The following PDZD2 variants were observed in gnomAD, a reference collection of about 807,000 sequenced individuals.
PDZD2 encodes the protein PDZ domain-containing protein 2.
In PDZD2, 90 loss-of-function variants were observed where a neutral mutation model predicts 220.7. That is an observed-to-expected ratio of 0.41 (90% CI 0.34 to 0.49). The LOEUF is 0.49. PDZD2 is among the 20% of genes least tolerant of loss of function. The probability of loss-of-function intolerance (pLI) is 0.28; values close to 1 mark genes in which losing one functional copy is unlikely to be tolerated. For missense variants in PDZD2, 3,174 were observed against 3,608.5 expected (o/e 0.88, Z 3.08); for synonymous variants, 1,375 against 1,450.5 (o/e 0.95, Z 1.18).
chr5:32,087,222 A>G lies in PDZD2; in HGVS notation c.3774A>G (p.Gln1258=). The G allele has an allele frequency of 2.5e-6, 4 of 1,614,066 alleles. No individual in the cohort carries two copies. The highest frequency in any genetic ancestry group is 3.4e-6 in the Non-Finnish European group (4 of 1,179,938). The change falls in exon 20 of 25, where the codon CAA becomes CAG. Residue 1258 remains glutamine, a synonymous_variant. Coordinates refer to ENST00000438447, the MANE Select transcript of PDZD2 (RefSeq NM_178140.4). The surrounding 1 kb of genome is among the most constrained non-coding windows in gnomAD (Gnocchi z 4.0). The part of the protein sequence containing the change: ...DPSKTSVDTG[Q]VSRPENPSQP... ...GCAAGACCTCTGTAGACACAGGGCA[A>G]GTCAGTCGGCCAGAGAATCCCAGCC...
In PDZD2 at chr5:31,966,957, C is replaced by T. The variant is rs937403712; in HGVS notation, c.477-16198C>T. Among the ~76,000 whole-genome samples the T allele has an allele frequency of 3.9e-5, 6 of 152,162 alleles. No homozygotes were observed. The East Asian group carries it at 5.8e-4, about 15-fold the overall frequency. On this transcript the variant is annotated intron_variant, in intron 2 of 24. Transcript: ENST00000438447. ...AGAGAAGAGATTCAGGAGAACAGTG[C>T]GTGACCTTAGCCAGAACATGTTGAT... is the stretch of plus-strand genomic sequence containing the variant.
intron 1 of PDZD2, chr5:31,744,168 C>A (rs1750442248): frequency 6.6e-6 from 1 of 152,166 alleles, no homozygotes; most frequent in Non-Finnish European, 1.5e-5. Context: ...ACCATGAAGT[C>A]TGGTCCTTTT....
intron 2 of PDZD2, among the ~76,000 whole-genome samples, chr5:31,927,768 T>A (rs2150387728): frequency 6.6e-6 from 1 of 152,328 alleles, no homozygotes; most frequent in South Asian, 2.1e-4. Context: ...TGCTTATCTT[T>A]TTCAATGGAC....
Position 32,098,391 on chromosome 5 carries a change from G to C in PDZD2, c.7975G>C (p.Ala2659Pro). 1 of 1,614,090 alleles carries C rather than the reference G, an allele frequency of 6.2e-7. No homozygotes were observed. The highest frequency in any genetic ancestry group is 1.1e-5 in the South Asian group (1 of 91,076). The change falls in exon 23 of 25, where the codon GCT (alanine) becomes CCT (proline). Residue 2659 changes from alanine (A) to proline (P), a missense_variant. This residue lies in a region of PDZD2 where 631 missense variants were observed against 789.9 expected (regional missense o/e 0.80). Coordinates refer to ENST00000438447, the MANE Select transcript of PDZD2 (RefSeq NM_178140.4). The surrounding 1 kb of genome is among the most constrained non-coding windows in gnomAD (Gnocchi z 4.1). Reference sequence around the variant, plus strand: ...CCACAGGGTGTTTTCTCAGGGGGCGGCTTCTCAGGAAGGGACTATGAACCG... The same window carrying C: ...CCACAGGGTGTTTTCTCAGGGGGCGCCTTCTCAGGAAGGGACTATGAACCG... The part of the protein sequence containing the change: ...TVHRVFSQGA[A>P]SQEGTMNRGD...
intron 1 of PDZD2, among the ~76,000 whole-genome samples, chr5:31,755,820 A>G (rs998254583): frequency 2.0e-4 from 30 of 152,128 alleles, no homozygotes; most frequent in African/African-American, 7.2e-4. Flanking sequence ...TGGCTGGGCT[A>G]TGTCATGAGT....
chr5:32,087,883 C>T lies in PDZD2; in HGVS notation c.4435C>T (p.Gln1479Ter). The T allele has an allele frequency of 6.2e-7, 1 of 1,612,746 alleles. No homozygotes were observed. The highest frequency in any genetic ancestry group is 8.5e-7 in the Non-Finnish European group (1 of 1,179,544). The change falls in exon 20 of 25, where the codon CAG becomes TAG. Residue 1479 changes from glutamine (Q) to a stop codon, truncating the protein, a stop_gained. Transcript: ENST00000438447. LOFTEE classifies it high-confidence loss of function. This position sits in a 1 kb window ranked among gnomAD's most constrained non-coding sequence, Gnocchi z 4.0. ...SCRAEPVPGG[Q>*]TSSPRRAWAA... ...CCGTGCCGAACCAGTCCCGGGGGGC[C>T]AGACCTCCTCCCCGAGGAGGGCCTG...
Position 31,799,168 on chromosome 5 carries a change from C to T in PDZD2, c.-81C>T. On this transcript the variant is annotated 5_prime_UTR_variant, in exon 2 of 25. Coordinates refer to ENST00000438447, the MANE Select transcript of PDZD2 (RefSeq NM_178140.4). ...AGGCAAAGCTGATGATGGCCAGGGA[C>T]CCCAGGGGACGTGGGGCCCTGTGGG... 1.1e-6 allele frequency: 1 copy of T among 892,052 alleles called. No homozygotes were observed. Among genetic ancestry groups the T allele is most frequent in the Admixed American group, 2.6e-5 (1 of 38,372 alleles). 55.3% of individuals were successfully genotyped at this position (892,052 alleles called of 1,614,324 possible).
intron 2 of PDZD2, among the ~76,000 whole-genome samples, chr5:31,858,711 C>CCCTCCCTTCCTCCCTT (rs1181665890): frequency 6.8e-6 from 1 of 147,118 alleles, no homozygotes; most frequent in Admixed American, 6.7e-5. Context: ...ATCCCTCCCT[C>CCCTCCCTTCCTCCCTT]CCTCCCTTCC....
chr5:31,727,478 G>A (rs913387419), intron 1 of PDZD2, among the ~76,000 whole-genome samples: 4 of 152,058 alleles, frequency 2.6e-5, no homozygotes, highest in Middle Eastern at 3.4e-3. Flanking sequence ...AGGCCGAGGC[G>A]GGCGCATCAC....
In PDZD2 at chr5:31,975,793, C is replaced by CTTTTTTTTTTTTTTTTTTTTTTTTT. The variant is rs879288343; in HGVS notation, c.477-7353_477-7352insTTTTTTTTTTTTTTTTTTTTTTTTT. On this transcript the variant is annotated intron_variant, in intron 2 of 24. Transcript: ENST00000438447. ...ATGAGCACACTGAAGGTATCAGTCACTTTTTTTTTATTTATTTTTTTTTTT... is the reference window on the plus strand; with the variant it reads ...ATGAGCACACTGAAGGTATCAGTCACTTTTTTTTTTTTTTTTTTTTTTTTTTTTTTTTTTATTTATTTTTTTTTTT... Among the ~76,000 whole-genome samples, 5 of 55,182 alleles carry CTTTTTTTTTTTTTTTTTTTTTTTTT rather than the reference C, an allele frequency of 9.1e-5. 2 individuals are homozygous for CTTTTTTTTTTTTTTTTTTTTTTTTT. The highest frequency in any genetic ancestry group is 1.5e-4 in the Non-Finnish European group (5 of 32,318). The allele number at this position is 55,182 out of a possible 152,430, so 36.2% of individuals were successfully genotyped here.
At chr5:31,709,163 G>A (rs1330971803) in intron 1 of PDZD2, among the ~76,000 whole-genome samples, 1 of 152,128 alleles carries the variant, frequency 6.6e-6, no homozygotes, top group Non-Finnish European at 1.5e-5. Context: ...TGGGATTACA[G>A]GCATAAGCCA....
At chr5:32,066,020 G>A (rs1298021671) in intron 14 of PDZD2, among the ~76,000 whole-genome samples, 1 of 128,554 alleles carries the variant, frequency 7.8e-6, no homozygotes, top group East Asian at 2.6e-4. Context: ...GCAAGACTTG[G>A]TCTAAATCAA....
Position 31,983,600 on chromosome 5 carries a change from C to T in PDZD2, c.922C>T (p.Arg308Cys), listed in dbSNP as rs368272828. 8.1e-6 allele frequency: 13 copies of T among 1,614,004 alleles called. No individual in the cohort carries two copies. Among genetic ancestry groups the T allele is most frequent in the African/African-American group, 4.0e-5 (3 of 74,906 alleles). ...TCCTCTGACCACAAGCAATGACAAA[C>T]GCCGCTTCTCAAAAGGTGGGAAGAC... ...DAPLTTSNDK[R>C]RFSKGGKTDF... is the part of the protein sequence containing the mutation. The change falls in exon 3 of 25, where the codon CGC becomes TGC. Residue 308 changes from arginine to cysteine, a missense_variant. Transcript: ENST00000438447.
At chr5:31,772,301 C>T (rs893584518) in intron 1 of PDZD2, among the ~76,000 whole-genome samples, 2 of 152,074 alleles carry the variant, frequency 1.3e-5, no homozygotes, top group Admixed American at 1.3e-4. Context: ...AACTGCTCAC[C>T]CCGCCACTCT....
chr5:31,996,951 T>C (rs1219248863), intron 4 of PDZD2, among the ~76,000 whole-genome samples: 1 of 152,226 alleles, frequency 6.6e-6, no homozygotes, highest in African/African-American at 2.4e-5. Flanking sequence ...AGGAATGGTG[T>C]TTAGCTAGAG....
rs561322730 is a variant in PDZD2 at position 31,901,670 on chromosome 5, G to A, written c.477-81485G>A. 3.1e-3 allele frequency among the ~76,000 whole-genome samples: 466 copies of A among 152,236 alleles called. 2 individuals are homozygous for A. The highest frequency in any genetic ancestry group is 0.011 in the African/African-American group (447 of 41,530). ...AAAATTTACAATAAATAGTTTTTAA[G>A]TAAATTCAAGCAGATCTGTAGACAT... is the stretch of plus-strand genomic sequence containing the variant. On this transcript the variant is annotated intron_variant, in intron 2 of 24. Transcript: ENST00000438447.
chr5:32,106,478 C>T (rs1205085693), intron 24 of PDZD2: 1 of 152,260 alleles, frequency 6.6e-6, no homozygotes, highest in Non-Finnish European at 1.5e-5. Context: ...TCCTCTACTT[C>T]ATCTCATTCA....
intron 7 of PDZD2, among the ~76,000 whole-genome samples, chr5:32,047,678 C>G (rs1738113792): frequency 1.3e-5 from 2 of 152,204 alleles, no homozygotes; most frequent in Admixed American, 6.5e-5. Flanking sequence ...GACCCTTGTT[C>G]TAGATCTAAA....
At chr5:31,787,047 C>T (rs1355923604) in intron 1 of PDZD2, among the ~76,000 whole-genome samples, 1 of 152,136 alleles carries the variant, frequency 6.6e-6, no homozygotes, top group Non-Finnish European at 1.5e-5. Flanking sequence ...ATGTGATCTA[C>T]TGGGTTGTGA....
Sources: gnomAD v4.1 joint callset for allele counts (sites outside exome capture counted in the v4.1 genomes callset) on GRCh38, gnomAD v4.1.1 for gene constraint, gnomAD v4.1.1 regional missense constraint, Gnocchi (gnomAD v3.1) non-coding constraint, MANE v1.5 for transcripts, NCBI Gene and HGNC (gene_info 2026-07-23, HGNC 2026-07-21) for gene names.